Variants in IQCE observed in about 807,000 individuals in gnomAD.
IQCE encodes the protein IQ motif containing E.
In IQCE, 115 loss-of-function variants were observed where a neutral mutation model predicts 96.0. The ratio of observed to expected loss-of-function variants is 1.20; its 90% confidence interval spans 1.03 to 1.40. The LOEUF is 1.40. IQCE is among the 40% of genes most tolerant of loss of function. The probability of loss-of-function intolerance (pLI) is 0.00; values close to 1 mark genes in which losing one functional copy is unlikely to be tolerated. For synonymous variants in IQCE, 412 were observed against 371.2 expected (o/e 1.11, Z -1.26); for missense variants, 1,041 against 909.1 (o/e 1.15, Z -1.87).
intron 1 of IQCE, among the ~76,000 whole-genome samples, chr7:2,563,375 T>TTGTGTGTGTGTGTGTG (rs143397539): frequency 2.2e-5 from 3 of 135,680 alleles, no homozygotes; most frequent in Non-Finnish European, 4.6e-5. Context: ...TAATTTTTTG[T>TTGTGTGTGTGTGTGTG]TGTGTGTGTG....
At position 2,569,002 on chromosome 7, in the gene IQCE, A is replaced by G. The variant is rs1272678818; in HGVS notation, c.130+3A>G. On this transcript the variant is annotated splice_donor_region_variant and intron_variant, in intron 3 of 21. Transcript: ENST00000402050. ...CAAACCTCCACCCACATCGCCAAGTAAGTATGACGAGGCCTGCCTTCCCTC... is the reference window on the plus strand; with the variant it reads ...CAAACCTCCACCCACATCGCCAAGTGAGTATGACGAGGCCTGCCTTCCCTC... The G allele has an allele frequency of 3.7e-6, 6 of 1,613,650 alleles. No homozygotes were observed. The highest frequency in any genetic ancestry group is 5.1e-6 in the Non-Finnish European group (6 of 1,179,752).
At chr7:2,585,079 A>G (rs1782993382) in intron 11 of IQCE, among the ~76,000 whole-genome samples, 2 of 136,226 alleles carry the variant, frequency 1.5e-5, no homozygotes, top group South Asian at 2.3e-4. Context: ...AATGTTGCCC[A>G]GGCTGGAGTG....
At chr7:2,577,813 C>T (rs1238733941) in intron 6 of IQCE, among the ~76,000 whole-genome samples, 7 of 122,732 alleles carry the variant, frequency 5.7e-5, no homozygotes, top group African/African-American at 9.4e-5. Context: ...CGTGGCTGTG[C>T]GCGCGGGGAC....
At chr7:2,607,877 T>C (rs2398592) in intron 21 of IQCE, among the ~76,000 whole-genome samples, 29,868 of 152,186 alleles carry the variant, frequency 0.2, 3,408 homozygotes, top group East Asian at 0.45. Context: ...CTGTTGAGAC[T>C]CGGGACTGTC....
intron 6 of IQCE, among the ~76,000 whole-genome samples, chr7:2,576,220 C>T (rs963680157): frequency 6.6e-6 from 1 of 152,110 alleles, no homozygotes; most frequent in Non-Finnish European, 1.5e-5. Context: ...AGGAGAAGGC[C>T]GTGTATGAGG....
chr7:2,596,952 T>A (rs577681959), intron 16 of IQCE: 4 of 470,430 alleles, frequency 8.5e-6, no homozygotes, highest in Non-Finnish European at 1.8e-5. Flanking sequence ...GGCATCTTCG[T>A]CAGGGATGTT....
Position 2,610,076 on chromosome 7 carries a change from C to T in IQCE, c.2002C>T (p.Pro668Ser), listed in dbSNP as rs1171106384. The stretch of plus-strand genomic sequence containing the variant: ...TCCCTCAGGGCCACAGGCCTTGGCA[C>T]CTCTACCTGGGGATGACGTCAACTC... Reference protein sequence around the residue: ...PSPSGPQALAPLPGDDVNSDD... With the variant: ...PSPSGPQALASLPGDDVNSDD... The change falls in exon 22 of 22, where the codon CCT (proline) becomes TCT (serine). Residue 668 changes from proline to serine, a missense_variant. Pro to Ser is a moderately conservative substitution (Grantham distance 74). Coordinates refer to ENST00000402050, the MANE Select transcript of IQCE (RefSeq NM_152558.5). The T allele has an allele frequency of 6.2e-7, 1 of 1,611,588 alleles. No homozygotes were observed. The highest frequency in any genetic ancestry group is 1.3e-5 in the African/African-American group (1 of 74,880).
chr7:2,563,241 G>A (rs532802107), intron 1 of IQCE, among the ~76,000 whole-genome samples: 8 of 152,108 alleles, frequency 5.3e-5, no homozygotes, highest in African/African-American at 1.7e-4. Context: ...GTTTCTTTGC[G>A]CCTGGAGTGC....
At position 2,598,480 on chromosome 7, in the gene IQCE, G is replaced by C. The variant is rs1254670352; in HGVS notation, c.1456G>C (p.Ala486Pro). 1 of 1,588,870 alleles carries C rather than the reference G, an allele frequency of 6.3e-7. No homozygotes were observed. Among genetic ancestry groups the C allele is most frequent in the Non-Finnish European group, 8.6e-7 (1 of 1,168,542 alleles). ...TTTCCTGCAGGCCCAAGAGCTCCCA[G>C]CTCCCACTCCCAGCAGCAGGCACTG... ...EVPHKAQELP[A>P]PTPSSRHCEQ... Residue 486 changes from alanine to proline, a missense_variant, in exon 17 of 22, where the codon GCT becomes CCT. Physicochemically the swap from Ala to Pro is conservative, Grantham distance 27. Transcript: ENST00000402050.
At chr7:2,560,267 T>C (rs1202063083) in intron 1 of IQCE, among the ~76,000 whole-genome samples, 1 of 151,970 alleles carries the variant, frequency 6.6e-6, no homozygotes, top group African/African-American at 2.4e-5. Flanking sequence ...AGAAAGCCCG[T>C]TGGGACGCGG....
At chr7:2,584,523 T>G (rs1395119908) in intron 11 of IQCE, 1 of 524,402 alleles carries the variant, frequency 1.9e-6, no homozygotes, top group African/African-American at 1.9e-5. Context: ...CCGCCCGTGT[T>G]CGTTATAGAT....
intron 16 of IQCE, among the ~76,000 whole-genome samples, chr7:2,595,253 G>A (rs1186449163): frequency 6.6e-6 from 1 of 152,242 alleles, no homozygotes; most frequent in Non-Finnish European, 1.5e-5. Flanking sequence ...GGAGGGTGTA[G>A]TTATGCGGCC....
chr7:2,586,968 T>A (rs973624671), intron 12 of IQCE, among the ~76,000 whole-genome samples: 2 of 152,132 alleles, frequency 1.3e-5, no homozygotes, highest in African/African-American at 4.8e-5. Context: ...CTGGCTTCTG[T>A]GCAGAGATGG....
chr7:2,594,774 C>A (rs1408781497), intron 15 of IQCE, 112 bp from the exon 16 acceptor site: 9 of 762,582 alleles, frequency 1.2e-5, no homozygotes, highest in East Asian at 2.5e-5. Context: ...TCTCTACAGG[C>A]TGCCTGGTGT....
chr7:2,559,304 A>T (rs1780737613), intron 1 of IQCE, 87 bp downstream of exon 1: 2 of 763,558 alleles, frequency 2.6e-6, no homozygotes, highest in East Asian at 4.0e-5. Flanking sequence ...GGCCCCGCGC[A>T]GGGGCCGGCC....
chr7:2,613,243 C>T lies in IQCE; in HGVS notation c.*3081C>T, dbSNP rs11771877. The T allele has an allele frequency of 0.12, 18,259 of 152,376 alleles. 1,373 individuals carry two copies. Among genetic ancestry groups the T allele is most frequent in the Non-Finnish European group, 0.16 (11,065 of 68,104 alleles). The allele number at this position is 152,376 out of a possible 1,614,324, so 9.4% of individuals were successfully genotyped here. A position where few individuals can be genotyped will look rare whatever the true frequency, so the allele number is the denominator to read the frequency against. On this transcript the variant is annotated 3_prime_UTR_variant, in exon 22 of 22. Transcript: ENST00000402050. Reference sequence around the variant, plus strand: ...ACACTGCTGAGGCTGAAGCTGGCCCCGTGCAGGTGGCTGGTGAGCCACAGG... The same window carrying T: ...ACACTGCTGAGGCTGAAGCTGGCCCTGTGCAGGTGGCTGGTGAGCCACAGG...
intron 15 of IQCE, among the ~76,000 whole-genome samples, chr7:2,594,072 C>T (rs1783827194): frequency 6.6e-6 from 1 of 151,642 alleles, no homozygotes; most frequent in African/African-American, 2.4e-5. Context: ...CCAGCCTGAC[C>T]AACATGGTGA....
intron 8 of IQCE, among the ~76,000 whole-genome samples, chr7:2,579,041 C>CAAA (rs759979729): frequency 8.8e-6 from 1 of 113,734 alleles, no homozygotes. Flanking sequence ...CCTGGGTGAC[C>CAAA]AAAAAAAAAA....
chr7:2,582,089 GC>G (rs1782714712), intron 8 of IQCE: 2 of 468,936 alleles, frequency 4.3e-6, no homozygotes, highest in Non-Finnish European at 8.8e-6. Flanking sequence ...TGAGGAGGCC[GC>G]TGGAGCTGTT....
Sources: allele counts gnomAD v4.1 joint callset (sites outside exome capture counted in the v4.1 genomes callset), GRCh38; gene constraint gnomAD v4.1.1; transcripts MANE v1.5; gene names NCBI Gene and HGNC (gene_info 2026-07-23, HGNC 2026-07-21).